The following RGS6 variants were observed in gnomAD, a reference collection of about 807,000 sequenced individuals.
RGS6 encodes regulator of G-protein signaling 6.
A neutral mutation model predicts 78.5 loss-of-function variants in RGS6; 30 were observed. The ratio of observed to expected loss-of-function variants is 0.38; its 90% CI spans 0.29 to 0.52. The LOEUF (loss-of-function observed/expected upper bound fraction) is 0.52, where lower values mean the gene tolerates loss of function less well. Ranked by LOEUF, RGS6 falls within the 20% of genes least tolerant of loss-of-function variation. RGS6 has a pLI of 0.85. For synonymous variants in RGS6, 206 were observed against 206.0 expected, an observed-to-expected ratio of 1.00 and a Z score of 0.00; for missense variants, 495 against 609.7, an observed-to-expected ratio of 0.81 and a Z score of 1.98.
chr14:72,583,761 C>A, the RGS6 span, among the ~76,000 whole-genome samples: 1 of 152,156 alleles, frequency 6.6e-6, no homozygotes, highest in Non-Finnish European at 1.5e-5. Context: ...GCAATGCTGG[C>A]AAAATGTCAT....
At chr14:72,507,704 G>T (rs557964861) in intron 13 of RGS6, among the ~76,000 whole-genome samples, 3 of 152,208 alleles carry the variant, frequency 2.0e-5, no homozygotes, top group African/African-American at 4.8e-5. Context: ...GGTGACACTG[G>T]TGGTGGGTGT....
chr14:72,202,699 A>G (rs1296494970), intron 2 of RGS6, among the ~76,000 whole-genome samples: 1 of 151,900 alleles, frequency 6.6e-6, no homozygotes, highest in Admixed American at 6.6e-5. Context: ...CTGTTTCTCT[A>G]CAAGGACTGG....
intron 2 of RGS6, among the ~76,000 whole-genome samples, chr14:72,143,013 G>A (rs1433370207): frequency 1.3e-5 from 2 of 152,064 alleles, no homozygotes; most frequent in African/African-American, 4.8e-5. Flanking sequence ...TGGGTAGCAG[G>A]GAAATCACCC....
chr14:72,381,542 A>G (rs2086105030), intron 3 of RGS6, among the ~76,000 whole-genome samples: 1 of 152,170 alleles, frequency 6.6e-6, no homozygotes, highest in South Asian at 2.1e-4. Context: ...GTAGAAGACC[A>G]TCTTTCATGT....
intron 3 of RGS6, among the ~76,000 whole-genome samples, chr14:72,362,451 G>A (rs956411947): frequency 3.3e-5 from 5 of 151,960 alleles, no homozygotes; most frequent in African/African-American, 1.2e-4. Flanking sequence ...GGGCAGTTCT[G>A]CTGGTCTCAG....
chr14:72,476,932 T>C (rs2096253966), intron 11 of RGS6, 92 bp downstream of exon 11: 2 of 1,174,674 alleles, frequency 1.7e-6, no homozygotes, highest in South Asian at 1.4e-5. Context: ...GAGCAAGCTT[T>C]GAGTTCCTGG....
chr14:72,614,639 G>C, the RGS6 span, among the ~76,000 whole-genome samples: 3 of 152,026 alleles, frequency 2.0e-5, no homozygotes, highest in East Asian at 5.8e-4. Context: ...GCCCTCAGAA[G>C]CATCCCTGAA....
chr14:72,385,566 C>T (rs938837448), intron 3 of RGS6, among the ~76,000 whole-genome samples: 1 of 152,172 alleles, frequency 6.6e-6, no homozygotes, highest in African/African-American at 2.4e-5. Flanking sequence ...AAAATTCCAG[C>T]CAATGATATG....
rs753065555 is a variant in RGS6, at chr14:72,540,021, CTT to C, written c.1369-9_1369-8del. 464 of 1,175,858 alleles carry C rather than the reference CTT, an allele frequency of 3.9e-4. No homozygotes were observed. The highest frequency in any genetic ancestry group is 1.3e-3 in the Admixed American group (50 of 39,446). 72.8% of individuals were successfully genotyped at this position (1,175,858 alleles called of 1,614,324 possible). A position where few individuals can be genotyped will look rare whatever the true frequency, so the allele number is the denominator to read the frequency against. Reference sequence around the variant, plus strand: ...TTTTTTCTGTATTTTTCTCCCTACCCTTTTTTTTTTTTCCTAAAGCCAGAAAG... The same window carrying C: ...TTTTTTCTGTATTTTTCTCCCTACCCTTTTTTTTTTCCTAAAGCCAGAAAG... On this transcript the variant is annotated intron_variant, in intron 16 of 17. Transcript: ENST00000553525.
chr14:72,629,588 G>T, the RGS6 span: 1 of 1,515,034 alleles, frequency 6.6e-7, no homozygotes, highest in Non-Finnish European at 8.9e-7. Context: ...CAGCTCTGTG[G>T]ATTTCTCCCT....
At chr14:72,102,600 G>A (rs115378921) in intron 2 of RGS6, among the ~76,000 whole-genome samples, 45 of 152,240 alleles carry the variant, frequency 3.0e-4, no homozygotes, top group African/African-American at 1.1e-3. Flanking sequence ...CTGCTACATG[G>A]TAGAGTCAAG....
At chr14:72,111,360 C>G (rs1337608987) in intron 2 of RGS6, among the ~76,000 whole-genome samples, 1 of 152,138 alleles carries the variant, frequency 6.6e-6, no homozygotes, top group East Asian at 1.9e-4. Context: ...ACAAATTTAA[C>G]TGGTGAATGG....
At chr14:72,418,752 G>A (rs2093992050) in intron 3 of RGS6, among the ~76,000 whole-genome samples, 2 of 152,088 alleles carry the variant, frequency 1.3e-5, no homozygotes, top group Admixed American at 6.5e-5. Context: ...TTCTGTCCTT[G>A]AATCGCAGCA....
intron 3 of RGS6, among the ~76,000 whole-genome samples, chr14:72,360,494 C>G (rs895559362): frequency 6.6e-6 from 1 of 151,706 alleles, no homozygotes; most frequent in African/African-American, 2.4e-5. Context: ...TGCACTCCAG[C>G]CTGGGTGACA....
chr14:72,195,803 G>A (rs2039973006), intron 2 of RGS6, among the ~76,000 whole-genome samples: 1 of 152,220 alleles, frequency 6.6e-6, no homozygotes, highest in African/African-American at 2.4e-5. Context: ...GGAAACACCA[G>A]GGCTGAGCCC....
chr14:72,573,863 G>A, the RGS6 span, among the ~76,000 whole-genome samples: 24 of 152,246 alleles, frequency 1.6e-4, 1 homozygote, highest in South Asian at 4.4e-3. Flanking sequence ...GCACACACAC[G>A]CACGACTGTG....
At chr14:72,433,317 A>G (rs1469464575) in intron 3 of RGS6, among the ~76,000 whole-genome samples, 1 of 151,730 alleles carries the variant, frequency 6.6e-6, no homozygotes, top group Non-Finnish European at 1.5e-5. Context: ...GGGGAGCAAC[A>G]CACACTGGGG....
the RGS6 span, among the ~76,000 whole-genome samples, chr14:71,926,100 T>G: frequency 6.6e-6 from 1 of 152,212 alleles, no homozygotes; most frequent in Non-Finnish European, 1.5e-5. Context: ...CAAAGTGATA[T>G]ACAGATTCAG....
rs1217602148 is a variant in RGS6 at position 72,536,683 on chromosome 14, G to A, written c.1368+408G>A. Among the ~76,000 whole-genome samples the A allele has an allele frequency of 2.6e-5, 4 of 152,162 alleles. No individual in the cohort carries two copies. In the East Asian group the frequency reaches 7.7e-4, roughly 29 times the overall value. ...CACCTCAGACTTCTCTCCCTGACCA[G>A]CCCAGAGAGGAGTATGAGGCCAGGG... On this transcript the variant is annotated intron_variant, in intron 16 of 17. Transcript: ENST00000553525.
Sources: allele counts gnomAD v4.1 joint callset (sites outside exome capture counted in the v4.1 genomes callset), GRCh38; gene constraint gnomAD v4.1.1; transcripts MANE v1.5; gene names NCBI Gene and HGNC (gene_info 2026-07-23, HGNC 2026-07-21).